The following ITGA8 variants were observed in gnomAD, a reference collection of about 807,000 sequenced individuals.
ITGA8 encodes the protein integrin subunit alpha 8.
A neutral mutation model predicts 142.3 loss-of-function variants in ITGA8; 91 were observed. The observed-to-expected ratio is 0.64, with a 90% CI of 0.54 to 0.76. The LOEUF is 0.76. Among genes scored for constraint, ITGA8 ranks in the 30% least tolerant of loss-of-function variants. The pLI, the probability that ITGA8 is intolerant of heterozygous loss-of-function variation, is 0.00. For synonymous variants in ITGA8, 505 were observed against 485.2 expected, an observed-to-expected ratio of 1.04 and a Z score of -0.54; for missense variants, 1,406 against 1,327.7, an observed-to-expected ratio of 1.06 and a Z score of -0.92.
intron 2 of ITGA8, among the ~76,000 whole-genome samples, chr10:15,706,939 G>T (rs1175090388): frequency 6.6e-6 from 1 of 152,016 alleles, no homozygotes; most frequent in African/African-American, 2.4e-5. Flanking sequence ...CTAGCTCAGC[G>T]ACCTTTCTCC....
intron 13 of ITGA8, among the ~76,000 whole-genome samples, chr10:15,626,514 C>T (rs930937029): frequency 9.2e-5 from 14 of 152,268 alleles, no homozygotes; most frequent in South Asian, 4.1e-4. Context: ...CCACTGCACC[C>T]GGCCTCCTTT....
intron 13 of ITGA8, among the ~76,000 whole-genome samples, chr10:15,629,059 G>A (rs945705794): frequency 1.3e-5 from 2 of 151,722 alleles, no homozygotes; most frequent in Non-Finnish European, 1.5e-5. Flanking sequence ...CCCTACTCAC[G>A]GCGCTTTTTC....
intron 20 of ITGA8, among the ~76,000 whole-genome samples, chr10:15,599,086 T>TC (rs1833057661): frequency 0.014 from 1 of 74 alleles, no homozygotes; most frequent in South Asian, 0.25. Context: ...CTATAGTAAA[T>TC]TTTTTTTTTT....
rs1833922365 is a variant in ITGA8 at position 15,558,485 on chromosome 10, A to G, written c.2638-283T>C. 2.0e-5 allele frequency among the ~76,000 whole-genome samples: 3 copies of G among 152,192 alleles called. No individual in the cohort carries two copies. The South Asian group carries it at 6.2e-4, about 32-fold the overall frequency. ...GATTTGAAGCAGAAGTCATTTCCCC[A>G]CAAGGATAGAAAACATGCAAGTGAC... On this transcript the variant is annotated intron_variant, in intron 25 of 29. Transcript: ENST00000378076.
chr10:15,558,177 G>C lies in ITGA8; in HGVS notation c.2663C>G (p.Pro888Arg). ...IKPAASPEDTPELSAFLRNST... is the reference protein window; with the variant it reads ...IKPAASPEDTRELSAFLRNST... ...GTTTCGCAAAAAGGCGCTGAGCTCA[G>C]GGGTGTCCTCTGGGGAGGCAGCAGG... The change falls in exon 26 of 30, where the codon CCT becomes CGT. Residue 888 changes from proline to arginine, a missense_variant. Transcript: ENST00000378076. 6.2e-7 allele frequency: 1 copy of C among 1,614,220 alleles called. No individual in the cohort carries two copies. The highest frequency in any genetic ancestry group is 2.2e-5 in the East Asian group (1 of 44,882).
In ITGA8 at chr10:15,631,798, A is replaced by C. The variant is rs372537588; in HGVS notation, c.1399+12232T>G. Among the ~76,000 whole-genome samples the C allele has an allele frequency of 5.6e-3, 811 of 144,390 alleles. 17 individuals are homozygous for C. The highest frequency in any genetic ancestry group is 0.019 in the African/African-American group (762 of 39,240). 94.7% of individuals were successfully genotyped at this position (144,390 alleles called of 152,430 possible). A position where few individuals can be genotyped will look rare whatever the true frequency, so the allele number is the denominator to read the frequency against. ...TTGGACTTCTAGCCCCACCCCCCCC[A>C]AAAAAAGCCATGGCTAAGCAGCAAA... On this transcript the variant is annotated intron_variant, in intron 13 of 29. Transcript: ENST00000378076.
intron 7 of ITGA8, among the ~76,000 whole-genome samples, 173 bp downstream of exon 7, chr10:15,672,451 C>T (rs2275616): frequency 4.3e-4 from 65 of 152,058 alleles, no homozygotes; most frequent in Non-Finnish European, 7.2e-4. Flanking sequence ...TTACACATCG[C>T]GGCTGGAAAA....
At position 15,719,613 on chromosome 10, in the gene ITGA8, C is replaced by T. The variant is rs754586886; in HGVS notation, c.159G>A (p.Lys53=). The change falls in exon 1 of 30, where the codon AAG becomes AAA. Residue 53 remains lysine, a synonymous_variant. Transcript: ENST00000378076. ...CCACGGCGTAGCCGAAGTAGCTGCC[C>T]TTGGGGCCGCTGTACACTGTGAGCT... is the stretch of plus-strand genomic sequence containing the variant. ...VEKLTVYSGP[K]GSYFGYAVDF... is the part of the protein sequence containing the mutation. 1.3e-6 allele frequency: 2 copies of T among 1,561,258 alleles called. No individual in the cohort carries two copies. Among genetic ancestry groups the T allele is most frequent in the African/African-American group, 1.4e-5 (1 of 70,568 alleles).
intron 24 of ITGA8, 131 bp from the exon 25 acceptor site, chr10:15,572,500 A>C (rs905295022): frequency 3.8e-6 from 3 of 786,084 alleles, no homozygotes; most frequent in African/African-American, 1.7e-5. Flanking sequence ...ATGACTATGG[A>C]AAATAAGAAA....
intron 2 of ITGA8, among the ~76,000 whole-genome samples, chr10:15,704,694 C>T (rs1480581674): frequency 1.3e-5 from 2 of 152,096 alleles, no homozygotes; most frequent in Non-Finnish European, 2.9e-5. Flanking sequence ...CTGTTTAGTA[C>T]CCAATCATTT....
intron 2 of ITGA8, among the ~76,000 whole-genome samples, chr10:15,705,282 C>T (rs890140388): frequency 5.3e-5 from 8 of 152,194 alleles, no homozygotes; most frequent in African/African-American, 1.2e-4. Context: ...CTTTTGCTCC[C>T]AACCTTCTCT....
intron 13 of ITGA8, 71 bp downstream of exon 13, chr10:15,643,959 A>G: frequency 1.4e-6 from 2 of 1,388,780 alleles, no homozygotes; most frequent in Non-Finnish European, 2.0e-6. Flanking sequence ...CCTTTGCATG[A>G]TGCATTTTTC....
intron 23 of ITGA8, among the ~76,000 whole-genome samples, chr10:15,581,611 T>C (rs1239784876): frequency 6.6e-6 from 1 of 152,140 alleles, no homozygotes; most frequent in African/African-American, 2.4e-5. Context: ...ACTTTATAAT[T>C]GGATAAACTT....
rs948561333 is a variant in ITGA8, at chr10:15,591,632, G to C, written c.2291+593C>G. Among the ~76,000 whole-genome samples the C allele has an allele frequency of 1.2e-4, 18 of 152,196 alleles. 1 individual carries two copies. The South Asian group carries it at 2.9e-3, about 25-fold the overall frequency. ...CAGCCACAAAGGAGCAGACAGAATA[G>C]GTGGTAAGAGGGTAAAGTTACAGCT... On this transcript the variant is annotated intron_variant, in intron 22 of 29. Transcript: ENST00000378076.
intron 23 of ITGA8, 54 bp downstream of exon 23, chr10:15,586,530 T>C (rs911051719): frequency 9.6e-7 from 1 of 1,040,968 alleles, no homozygotes. Flanking sequence ...ACTAGTATTT[T>C]ATCTTAACTC....
At chr10:15,639,334 G>A (rs1387993827) in intron 13 of ITGA8, among the ~76,000 whole-genome samples, 1 of 152,150 alleles carries the variant, frequency 6.6e-6, no homozygotes, top group African/African-American at 2.4e-5. Context: ...TGTAGACCTG[G>A]AAGTGAGCCG....
In ITGA8 at chr10:15,660,941, A is replaced by T. The variant is rs752614996; in HGVS notation, c.848-19T>A. 1.2e-6 allele frequency: 2 copies of T among 1,609,944 alleles called. No homozygotes were observed. The highest frequency in any genetic ancestry group is 2.2e-5 in the South Asian group (2 of 90,976). ...ACCAATTCTGGGGATGAAAATAGCC[A>T]TTTAGAAGGGGAATTACTCACACAC... On this transcript the variant is annotated intron_variant, in intron 8 of 29. Transcript: ENST00000378076.
intron 2 of ITGA8, among the ~76,000 whole-genome samples, chr10:15,718,535 C>T (rs528481019): frequency 3.3e-5 from 5 of 152,126 alleles, no homozygotes; most frequent in Admixed American, 6.5e-5. Context: ...AGGATGCATC[C>T]GAACACTCAG....
chr10:15,616,158 T>C (rs1833386981), intron 14 of ITGA8, among the ~76,000 whole-genome samples: 1 of 152,224 alleles, frequency 6.6e-6, no homozygotes, highest in African/African-American at 2.4e-5. Context: ...GGATAAATAG[T>C]AACATTCTTC....
Sources: gnomAD v4.1 joint callset for allele counts (sites outside exome capture counted in the v4.1 genomes callset) on GRCh38, gnomAD v4.1.1 for gene constraint, MANE v1.5 for transcripts, NCBI Gene and HGNC (gene_info 2026-07-23, HGNC 2026-07-21) for gene names.